Variants in TACC2 observed in about 807,000 individuals in gnomAD.
The protein encoded by TACC2 is transforming acidic coiled-coil-containing protein 2.
TACC2 carries 137 observed loss-of-function variants against 227.3 expected under a neutral mutation model. That is an observed-to-expected ratio of 0.60 (90% CI 0.52 to 0.69). The LOEUF is 0.69. TACC2 is among the 30% of genes least tolerant of loss of function. The pLI is 0.00. For synonymous variants in TACC2, 1,523 were observed against 1,487.5 expected (o/e 1.02, Z -0.55); for missense variants, 3,470 against 3,694.4 (o/e 0.94, Z 1.57).
In TACC2 at chr10:122,083,993, G is replaced by A. The variant is rs2079824403; in HGVS notation, c.1493G>A (p.Gly498Glu). ...CCTGCCCCATCACCCCAGGAGAGGGGAGAGCACTTGAACACGGAGCAAAGC... is the reference window on the plus strand; with the variant it reads ...CCTGCCCCATCACCCCAGGAGAGGGAAGAGCACTTGAACACGGAGCAAAGC... Reference protein sequence around the residue: ...EVPAPSPQERGEHLNTEQSHE... With the variant: ...EVPAPSPQEREEHLNTEQSHE... Residue 498 changes from glycine to glutamate, a missense_variant, in exon 4 of 23, where the codon GGA becomes GAA. Around this residue, in one of 10 missense-constraint regions of TACC2, gnomAD observed 1,924 missense variants for 1,978.3 expected, o/e 0.97. Transcript: ENST00000369005. The A allele has an allele frequency of 6.2e-7, 1 of 1,614,068 alleles. No individual in the cohort carries two copies. Among genetic ancestry groups the A allele is most frequent in the Non-Finnish European group, 8.5e-7 (1 of 1,180,000 alleles).
intron 5 of TACC2, among the ~76,000 whole-genome samples, chr10:122,126,486 G>T (rs1165584376): frequency 1.3e-5 from 2 of 152,126 alleles, no homozygotes; most frequent in Non-Finnish European, 2.9e-5. Context: ...TCCACAACTA[G>T]TTCTGGATTT....
intron 7 of TACC2, among the ~76,000 whole-genome samples, chr10:122,144,731 G>C (rs914146534): frequency 1.3e-5 from 2 of 152,234 alleles, no homozygotes; most frequent in Non-Finnish European, 2.9e-5. Flanking sequence ...AGCTGGACCA[G>C]AGTCTGCCTT....
intron 16 of TACC2, among the ~76,000 whole-genome samples, chr10:122,233,934 C>G (rs544123545): frequency 3.3e-5 from 5 of 152,164 alleles, no homozygotes; most frequent in Non-Finnish European, 7.3e-5. Flanking sequence ...CAGCACCCAG[C>G]GGAGGCCACT....
chr10:121,997,413 A>C (rs1953669926), intron 1 of TACC2, among the ~76,000 whole-genome samples: 1 of 152,102 alleles, frequency 6.6e-6, no homozygotes, highest in Admixed American at 6.5e-5. Flanking sequence ...TTGCCTCGTG[A>C]TGAGTGGCCT....
intron 14 of TACC2, 129 bp from the exon 15 acceptor site, chr10:122,229,217 A>T: frequency 1.0e-6 from 1 of 1,004,720 alleles, no homozygotes; most frequent in Non-Finnish European, 1.5e-6. Context: ...AATGGCAGCT[A>T]ATTGATACTC....
At chr10:122,049,755 A>T (rs1356540431) in intron 2 of TACC2, among the ~76,000 whole-genome samples, 1 of 151,408 alleles carries the variant, frequency 6.6e-6, no homozygotes, top group Non-Finnish European at 1.5e-5. Context: ...TTTAAATCTC[A>T]TCTCTGTCCT....
chr10:122,099,745 C>T (rs1251447176), intron 5 of TACC2, among the ~76,000 whole-genome samples: 1 of 152,228 alleles, frequency 6.6e-6, no homozygotes, highest in Non-Finnish European at 1.5e-5. Flanking sequence ...TGTTTCTTTA[C>T]AAGTGGGCTA....
intron 22 of TACC2, 92 bp downstream of exon 22, chr10:122,249,756 C>A: frequency 7.0e-7 from 1 of 1,435,664 alleles, no homozygotes; most frequent in Non-Finnish European, 9.4e-7. Flanking sequence ...GCTTCCCTGG[C>A]CACTGCTGCT....
chr10:122,249,304 C>A, intron 21 of TACC2, 148 bp downstream of exon 21: 1 of 736,528 alleles, frequency 1.4e-6, no homozygotes, highest in Non-Finnish European at 2.3e-6. Context: ...CGAGAGAAGG[C>A]ACACAGTTAG....
chr10:122,192,801 A>C (rs1254901646), intron 7 of TACC2: 1 of 456,600 alleles, frequency 2.2e-6, no homozygotes, highest in Non-Finnish European at 4.4e-6. Flanking sequence ...GAAAAAGGCA[A>C]GTTATCTCTG....
chr10:122,046,733 A>T (rs1250090193), intron 2 of TACC2, among the ~76,000 whole-genome samples: 1 of 152,158 alleles, frequency 6.6e-6, no homozygotes, highest in Non-Finnish European at 1.5e-5. Context: ...AATTAAAAGA[A>T]ATCTTGCTCA....
At chr10:122,053,976 G>A (rs546390726) in intron 3 of TACC2, among the ~76,000 whole-genome samples, 20 of 152,328 alleles carry the variant, frequency 1.3e-4, no homozygotes, top group African/African-American at 2.2e-4. Flanking sequence ...GGCAGAATGC[G>A]TGTGTGAATA....
At chr10:122,119,990 C>T (rs750733557) in intron 5 of TACC2, among the ~76,000 whole-genome samples, 3 of 152,102 alleles carry the variant, frequency 2.0e-5, no homozygotes, top group Non-Finnish European at 2.9e-5. Context: ...CTTGTCCTCC[C>T]GGAGTAATTT....
At chr10:122,190,327 C>G (rs1287459192) in intron 7 of TACC2, among the ~76,000 whole-genome samples, 1 of 152,238 alleles carries the variant, frequency 6.6e-6, no homozygotes, top group Non-Finnish European at 1.5e-5. Context: ...GCCCTTCTTT[C>G]ACACGGTGTG....
chr10:122,243,423 T>C (rs1400272091), intron 19 of TACC2, among the ~76,000 whole-genome samples: 4 of 152,118 alleles, frequency 2.6e-5, no homozygotes, highest in Non-Finnish European at 4.4e-5. Context: ...AATAGTAGCC[T>C]CAGGAAGAGT....
intron 3 of TACC2, among the ~76,000 whole-genome samples, chr10:122,074,640 A>G (rs2078557711): frequency 6.6e-6 from 1 of 152,124 alleles, no homozygotes; most frequent in Non-Finnish European, 1.5e-5. Flanking sequence ...AAATACAGGG[A>G]TTAGAGTGCT....
At chr10:122,171,877 G>A (rs939383374) in intron 7 of TACC2, among the ~76,000 whole-genome samples, 3 of 152,220 alleles carry the variant, frequency 2.0e-5, no homozygotes, top group Admixed American at 1.3e-4. Context: ...TATTAGCCTT[G>A]TGTCTTTGCT....
intron 2 of TACC2, among the ~76,000 whole-genome samples, chr10:122,038,394 T>C (rs1250781587): frequency 6.6e-6 from 1 of 152,220 alleles, no homozygotes; most frequent in Non-Finnish European, 1.5e-5. Flanking sequence ...AGGGCACTGC[T>C]TTGCTTTTGG....
chr10:122,000,020 G>T (rs1322472951), intron 1 of TACC2, among the ~76,000 whole-genome samples: 1 of 152,204 alleles, frequency 6.6e-6, no homozygotes, highest in Non-Finnish European at 1.5e-5. Context: ...GAAGACTTGG[G>T]ATCCAACACT....
Sources: allele counts gnomAD v4.1 joint callset (sites outside exome capture counted in the v4.1 genomes callset), GRCh38; gene constraint gnomAD v4.1.1; regional missense constraint gnomAD v4.1.1; transcripts MANE v1.5; gene names NCBI Gene and HGNC (gene_info 2026-07-23, HGNC 2026-07-21).